Variants in CD276 observed in about 807,000 individuals in gnomAD.
CD276 encodes the protein CD276 molecule.
Under a neutral mutation model 50.0 loss-of-function variants are expected in CD276, and 34 were observed. The observed-to-expected ratio is 0.68, with a 90% CI of 0.52 to 0.91. The LOEUF (loss-of-function observed/expected upper bound fraction) is 0.91. CD276 is among the 40% of genes least tolerant of loss of function. The probability of loss-of-function intolerance (pLI) is 0.00; values close to 1 mark genes in which losing one functional copy is unlikely to be tolerated. For synonymous variants in CD276, 275 were observed against 313.0 expected, an observed-to-expected ratio of 0.88 and a Z score of 1.28; for missense variants, 634 against 717.5, an observed-to-expected ratio of 0.88 and a Z score of 1.33.
chr15:73,690,672 C>T lies in CD276; in HGVS notation c.-55+6212C>T, dbSNP rs149289514. The T allele has an allele frequency of 3.2e-4, 144 of 455,882 alleles. No individual in the cohort carries two copies. In the East Asian group the frequency reaches 9.7e-3, roughly 31 times the overall value. The allele number at this position is 455,882 out of a possible 1,614,324, so 28.2% of individuals were successfully genotyped here. A position where few individuals can be genotyped will look rare whatever the true frequency, so the allele number is the denominator to read the frequency against. ...CATTAATCTCTTCACTTCTTACAGG[C>T]CCCACCTCTTAATACTGTTACAGTG... On this transcript the variant is annotated intron_variant, in intron 1 of 9. Coordinates refer to ENST00000318443, the MANE Select transcript of CD276 (RefSeq NM_001024736.2).
rs1251565775 is a variant in CD276, at chr15:73,703,073, G to A, written c.720G>A (p.Gln240=). 6.2e-7 allele frequency: 1 copy of A among 1,602,642 alleles called. No homozygotes were observed. Among genetic ancestry groups the A allele is most frequent in the South Asian group, 1.1e-5 (1 of 89,886 alleles). The change falls in exon 4 of 10, where the codon CAG becomes CAA. Residue 240 remains glutamine, a synonymous_variant. Coordinates refer to ENST00000318443, the MANE Select transcript of CD276 (RefSeq NM_001024736.2). ...ACAGCTCTGTCACCATCACACCCCA[G>A]AGAAGCCCCACAGGTTGCTTTGCTT... The part of the protein sequence containing the change: ...DAHSSVTITP[Q]RSPTGAVEVQ...
intron 1 of CD276, among the ~76,000 whole-genome samples, chr15:73,693,806 C>T (rs976029857): frequency 6.6e-6 from 1 of 150,624 alleles, no homozygotes; most frequent in East Asian, 2.0e-4. Context: ...TAGAGCTTCT[C>T]ACCGATGAAC....
intron 8 of CD276, 145 bp downstream of exon 8, chr15:73,709,834 G>A (rs1302160210): frequency 2.7e-6 from 2 of 736,064 alleles, no homozygotes; most frequent in East Asian, 5.7e-5. Context: ...CCACCCCGGT[G>A]AGTCTGCTCT....
chr15:73,712,154 C>CAAGA (rs1900928253), intron 9 of CD276: 1 of 95,880 alleles, frequency 1.0e-5, no homozygotes, highest in African/African-American at 4.2e-5. Context: ...GATTCCATCT[C>CAAGA]AAAAAAAAAA....
At chr15:73,692,731 T>C (rs1367663678) in intron 1 of CD276, among the ~76,000 whole-genome samples, 1 of 152,238 alleles carries the variant, frequency 6.6e-6, no homozygotes, top group Admixed American at 6.5e-5. Context: ...ATTGCATGCA[T>C]GGCCAATGCC....
Position 73,713,637 on chromosome 15 carries a change from CTGCAGGTGCACG to C in CD276, c.*685_*696del. On this transcript the variant is annotated 3_prime_UTR_variant, in exon 10 of 10. Transcript: ENST00000318443. ...CACATGCACAGCTGTGCATGGAGAC[CTGCAGGTGCACG>C]TGCTGGAACACGTGTGGTTCCCCCC... is the stretch of plus-strand genomic sequence containing the variant. The C allele has an allele frequency of 2.6e-6, 1 of 378,904 alleles. No homozygotes were observed. Among genetic ancestry groups the C allele is most frequent in the Non-Finnish European group, 5.0e-6 (1 of 198,280 alleles). The allele number at this position is 378,904 out of a possible 1,614,324, so 23.5% of individuals were successfully genotyped here. A position where few individuals can be genotyped will look rare whatever the true frequency, so the allele number is the denominator to read the frequency against.
rs145286416 is a variant in CD276 at position 73,708,477 on chromosome 15, AGT to A, written c.1504+13_1504+14del. On this transcript the variant is annotated splice_donor_5th_base_variant and intron_variant, in intron 7 of 9. Coordinates refer to ENST00000318443, the MANE Select transcript of CD276 (RefSeq NM_001024736.2). ...AGCTGTGAGGAGGAGAATGCAGGTG[AGT>A]GTGTGTGTATGTGTGTGCGTGCGCA... is the stretch of plus-strand genomic sequence containing the variant. 5.3e-5 allele frequency: 86 copies of A among 1,611,020 alleles called. 1 individual carries two copies. In the East Asian group the frequency reaches 1.5e-3, roughly 28 times the overall value.
chr15:73,689,202 G>C (rs915904073), intron 1 of CD276, among the ~76,000 whole-genome samples: 1 of 151,606 alleles, frequency 6.6e-6, no homozygotes, highest in Non-Finnish European at 1.5e-5. Flanking sequence ...GTGTGTGTGT[G>C]TGTGTGTGTG....
chr15:73,712,262 C>G (rs1362971191), intron 9 of CD276: 2 of 152,436 alleles, frequency 1.3e-5, no homozygotes, highest in East Asian at 3.8e-4. Flanking sequence ...GGTGAGGCAG[C>G]CTGCCCCCTC....
Position 73,687,489 on chromosome 15 carries a change from TC to T in CD276, c.-55+3031del, listed in dbSNP as rs779703000. 4.3e-4 allele frequency among the ~76,000 whole-genome samples: 65 copies of T among 152,166 alleles called. No homozygotes were observed. Among genetic ancestry groups the T allele is most frequent in the Non-Finnish European group, 1.3e-4 (9 of 68,016 alleles). ...AGCCCGGTAAGATGTGCCAAGGGTC[TC>T]CTTAGTAAGTCAGGGAAGACTCATC... is the stretch of plus-strand genomic sequence containing the variant. On this transcript the variant is annotated intron_variant, in intron 1 of 9. Transcript: ENST00000318443. The surrounding 1 kb of genome is among the most constrained non-coding windows in gnomAD (Gnocchi z 4.0).
intron 1 of CD276, among the ~76,000 whole-genome samples, chr15:73,691,884 C>G (rs1457060097): frequency 6.6e-6 from 1 of 152,256 alleles, no homozygotes; most frequent in East Asian, 1.9e-4. Context: ...TGTCTTCTGG[C>G]CCCTGGGATT....
At chr15:73,705,845 C>T (rs1212103098) in intron 6 of CD276, among the ~76,000 whole-genome samples, 2 of 152,076 alleles carry the variant, frequency 1.3e-5, no homozygotes, top group East Asian at 3.9e-4. Context: ...ATTTGCGATG[C>T]TGTGCAGAAA....
At chr15:73,705,564 G>A (rs1028815476) in intron 6 of CD276, among the ~76,000 whole-genome samples, 2 of 152,050 alleles carry the variant, frequency 1.3e-5, no homozygotes, top group Admixed American at 1.3e-4. Flanking sequence ...CTCCCTTCCT[G>A]TGCTCTCCAG....
chr15:73,691,613 C>T (rs1228902793), intron 1 of CD276, among the ~76,000 whole-genome samples: 1 of 152,130 alleles, frequency 6.6e-6, no homozygotes, highest in Non-Finnish European at 1.5e-5. Context: ...GAGGACAGCT[C>T]CACCAGTACA....
chr15:73,700,041 A>G (rs987323324), intron 2 of CD276, among the ~76,000 whole-genome samples: 4 of 152,090 alleles, frequency 2.6e-5, no homozygotes, highest in African/African-American at 9.7e-5. Context: ...ACTGGATCCC[A>G]TATTTTGTGG....
chr15:73,699,651 G>A lies in CD276; in HGVS notation c.12G>A (p.Arg4=). ...CGCCTCACAGGAAGATGCTGCGTCG[G>A]CGGGGCAGCCCTGGCATGGGTGTGC... The part of the protein sequence containing the change: MLR[R]RGSPGMGVHV... The change falls in exon 2 of 10, where the codon CGG becomes CGA. Residue 4 remains arginine (R), a synonymous_variant. Transcript: ENST00000318443. 1.2e-6 allele frequency: 2 copies of A among 1,613,778 alleles called. No individual in the cohort carries two copies. The highest frequency in any genetic ancestry group is 1.7e-6 in the Non-Finnish European group (2 of 1,179,888).
chr15:73,694,553 G>T (rs1268019259), intron 1 of CD276, among the ~76,000 whole-genome samples: 2 of 152,142 alleles, frequency 1.3e-5, no homozygotes, highest in African/African-American at 4.8e-5. Context: ...TGACCATCTG[G>T]GTATATCCAG....
intron 1 of CD276, among the ~76,000 whole-genome samples, chr15:73,694,372 G>A (rs1900095967): frequency 6.6e-6 from 1 of 152,176 alleles, no homozygotes; most frequent in African/African-American, 2.4e-5. Flanking sequence ...TATTTTAGAT[G>A]TGGTTTCCTT....
At position 73,713,120 on chromosome 15, in the gene CD276, C is replaced by A; in HGVS notation, c.*164C>A. ...AGACCACTGTGCAGCCTTATTTCTC[C>A]AATGGACATGATTCCCAAGTCATCC... is the stretch of plus-strand genomic sequence containing the variant. On this transcript the variant is annotated 3_prime_UTR_variant, in exon 10 of 10. Transcript: ENST00000318443. 1.7e-6 allele frequency: 1 copy of A among 591,640 alleles called. No homozygotes were observed. The highest frequency in any genetic ancestry group is 2.9e-6 in the Non-Finnish European group (1 of 342,374). 36.6% of individuals were successfully genotyped at this position (591,640 alleles called of 1,614,324 possible). A position where few individuals can be genotyped will look rare whatever the true frequency, so the allele number is the denominator to read the frequency against.
Sources: allele counts gnomAD v4.1 joint callset (sites outside exome capture counted in the v4.1 genomes callset), GRCh38; gene constraint gnomAD v4.1.1; non-coding constraint Gnocchi (gnomAD v3.1); transcripts MANE v1.5; gene names NCBI Gene and HGNC (gene_info 2026-07-23, HGNC 2026-07-21).